NT5C1A: variants seen among roughly 807,000 people sequenced by gnomAD.
NT5C1A encodes the protein 5'-nucleotidase, cytosolic IA, also known as cytosolic 5'-nucleotidase 1A.
NT5C1A carries 18 observed loss-of-function variants against 31.0 expected under a neutral mutation model. The observed-to-expected ratio is 0.58, with a 90% CI of 0.40 to 0.86. The LOEUF (loss-of-function observed/expected upper bound fraction) is 0.86. Among genes scored for constraint, NT5C1A ranks in the 40% least tolerant of loss-of-function variants. The pLI, the probability that NT5C1A is intolerant of heterozygous loss-of-function variation, is 0.00. For missense variants in NT5C1A, 470 were observed against 505.4 expected (o/e 0.93, Z 0.67); for synonymous variants, 185 against 203.6 (o/e 0.91, Z 0.78).
chr1:39,659,169 CTG>C lies in NT5C1A; in HGVS notation c.1057_1058del (p.Gln353AspfsTer43). On this transcript the variant is annotated frameshift_variant, in exon 6 of 6. Coordinates refer to ENST00000235628, the MANE Select transcript of NT5C1A (RefSeq NM_032526.3). LOFTEE classifies it low-confidence loss of function (END_TRUNC). ...TTGCAGGTGCAGTCCGCCGGGGTGT[CTG>C]TGCCACACCATAAGGCACATGGGCG... The part of the protein sequence containing the change: ...VAAHVPYGVA[Q>X]TPRRTAPAKQ... The C allele has an allele frequency of 6.2e-7, 1 of 1,613,062 alleles. No homozygotes were observed. Among genetic ancestry groups the C allele is most frequent in the Non-Finnish European group, 8.5e-7 (1 of 1,179,350 alleles).
At chr1:39,670,406 T>TA (rs1331548210) in intron 1 of NT5C1A, among the ~76,000 whole-genome samples, 5 of 152,334 alleles carry the variant, frequency 3.3e-5, no homozygotes, top group East Asian at 1.9e-4. Context: ...AGCTTTGCTT[T>TA]AAAAAAATCT....
rs202226372 is a variant in NT5C1A, at chr1:39,670,220, A to G, written c.135+1684T>C. Among the ~76,000 whole-genome samples, 12 of 152,370 alleles carry G rather than the reference A, an allele frequency of 7.9e-5. No homozygotes were observed. The East Asian group carries it at 2.3e-3, about 29-fold the overall frequency. ...TGCCAGTGCAGACTTAAGCTTCAGC[A>G]TCCGGCCAAGTTGTTGCTGTGTTTG... On this transcript the variant is annotated intron_variant, in intron 1 of 5. Coordinates refer to ENST00000235628, the MANE Select transcript of NT5C1A (RefSeq NM_032526.3).
Position 39,661,228 on chromosome 1 carries a change from C to T in NT5C1A, c.592G>A (p.Asp198Asn). The change falls in exon 5 of 6, where the codon GAT (aspartate) becomes AAT (asparagine). Residue 198 changes from aspartate (D) to asparagine (N), a missense_variant. By Grantham distance (23) the Asp-to-Asn change is conservative. Coordinates refer to ENST00000235628, the MANE Select transcript of NT5C1A (RefSeq NM_032526.3). ...AGCTGACTCTGGGACACAACCACATCCCTGCTGGGGCTGAAGATGGTGGCA... is the reference window on the plus strand; with the variant it reads ...AGCTGACTCTGGGACACAACCACATTCCTGCTGGGGCTGAAGATGGTGGCA... Reference protein sequence around the residue: ...AAATIFSPSRDVVVSQSQLRV... With the variant: ...AAATIFSPSRNVVVSQSQLRV... 1.3e-6 allele frequency: 2 copies of T among 1,592,634 alleles called. No individual in the cohort carries two copies. The highest frequency in any genetic ancestry group is 1.1e-5 in the South Asian group (1 of 90,328).
In NT5C1A at chr1:39,659,414, C is replaced by T; in HGVS notation, c.814G>A (p.Glu272Lys). The change falls in exon 6 of 6, where the codon GAG becomes AAG. Residue 272 changes from glutamate (E) to lysine (K), a missense_variant. By Grantham distance (56) the Glu-to-Lys change is moderately conservative. Transcript: ENST00000235628. ...ACCAAGTAGGTACGAATTGGGCACT[C>T]CAGCCGCAGGCCTTTGGAGTAGAAC... ...KKFYSKGLRL[E>K]CPIRTYLVTA... 1.2e-6 allele frequency: 2 copies of T among 1,613,084 alleles called. No homozygotes were observed. The highest frequency in any genetic ancestry group is 1.7e-6 in the Non-Finnish European group (2 of 1,179,572).
intron 1 of NT5C1A, among the ~76,000 whole-genome samples, chr1:39,668,588 T>C (rs1646534873): frequency 6.6e-6 from 1 of 152,146 alleles, no homozygotes; most frequent in African/African-American, 2.4e-5. Flanking sequence ...ACATCTCAAG[T>C]CTCCGGCCTC....
rs1325000927 is a variant in NT5C1A, at chr1:39,653,245, G to A, written c.*5876C>T. On this transcript the variant is annotated 3_prime_UTR_variant, in exon 6 of 6. Transcript: ENST00000235628. ...CCAGAGGTTGGGGGCTGGTCTCGGTGGCCCCCAAGCTGCACATACGCAAAT... is the reference window on the plus strand; with the variant it reads ...CCAGAGGTTGGGGGCTGGTCTCGGTAGCCCCCAAGCTGCACATACGCAAAT... Among the ~76,000 whole-genome samples the A allele has an allele frequency of 6.6e-6, 1 of 152,014 alleles. No homozygotes were observed. Among genetic ancestry groups the A allele is most frequent in the East Asian group, 1.9e-4 (1 of 5,188 alleles).
rs1410620414 is a variant in NT5C1A at position 39,655,609 on chromosome 1, A to G, written c.*3512T>C. ...CAAAATGGTTGAAAACCTGGGTCCT[A>G]GAATCAGATGGACATGAGTTTGAGT... On this transcript the variant is annotated 3_prime_UTR_variant, in exon 6 of 6. Coordinates refer to ENST00000235628, the MANE Select transcript of NT5C1A (RefSeq NM_032526.3). 6.6e-6 allele frequency among the ~76,000 whole-genome samples: 1 copy of G among 152,144 alleles called. No homozygotes were observed. Among genetic ancestry groups the G allele is most frequent in the Non-Finnish European group, 1.5e-5 (1 of 68,036 alleles).
rs1646462353 is a variant in NT5C1A, at chr1:39,657,088, A to G, written c.*2033T>C. Among the ~76,000 whole-genome samples the G allele has an allele frequency of 6.6e-6, 1 of 152,190 alleles. No individual in the cohort carries two copies. Among genetic ancestry groups the G allele is most frequent in the African/African-American group, 2.4e-5 (1 of 41,436 alleles). ...CAAAGACATTATCATATGCCCTTCC[A>G]GGGGCAATAATGCCAGTGTCCCCTG... is the stretch of plus-strand genomic sequence containing the variant. On this transcript the variant is annotated 3_prime_UTR_variant, in exon 6 of 6. Coordinates refer to ENST00000235628, the MANE Select transcript of NT5C1A (RefSeq NM_032526.3).
At position 39,659,034 on chromosome 1, in the gene NT5C1A, T is replaced by A; in HGVS notation, c.*87A>T. 7.4e-6 allele frequency: 11 copies of A among 1,478,318 alleles called. No homozygotes were observed. Among genetic ancestry groups the A allele is most frequent in the Non-Finnish European group, 9.9e-6 (11 of 1,108,108 alleles). The allele number at this position is 1,478,318 out of a possible 1,614,324, so 91.6% of individuals were successfully genotyped here. On this transcript the variant is annotated 3_prime_UTR_variant, in exon 6 of 6. Transcript: ENST00000235628. ...GCAGACAGGCAGAAGGACAGAACAG[T>A]GAGAAACTAGAGGGATCTACCAGAG...
At chr1:39,663,499 T>C in intron 3 of NT5C1A, 65 bp from the exon 4 acceptor site, 1 of 1,553,174 alleles carries the variant, frequency 6.4e-7, no homozygotes, top group Non-Finnish European at 8.8e-7. Flanking sequence ...GCAGTCTCTC[T>C]GTGCCCAGTG....
At chr1:39,670,907 T>G (rs1646547583) in intron 1 of NT5C1A, among the ~76,000 whole-genome samples, 1 of 152,104 alleles carries the variant, frequency 6.6e-6, no homozygotes, top group South Asian at 2.1e-4. Flanking sequence ...CTCTGGAGCC[T>G]CCATCATTGT....
chr1:39,666,091 C>T lies in NT5C1A; in HGVS notation c.281G>A (p.Gly94Glu). The T allele has an allele frequency of 6.2e-7, 1 of 1,613,438 alleles. No individual in the cohort carries two copies. The highest frequency in any genetic ancestry group is 8.5e-7 in the Non-Finnish European group (1 of 1,179,876). ...CACCTTCACAAAAGGGAAGGCTGGC[C>T]CGGGACTGAAGGGTTCGTTCTCATG... Reference protein sequence around the residue: ...LEHENEPFSPGPAFPFVKALE... With the variant: ...LEHENEPFSPEPAFPFVKALE... The change falls in exon 2 of 6, where the codon GGG (glycine) becomes GAG (glutamate). Residue 94 changes from glycine to glutamate, a missense_variant. Transcript: ENST00000235628.
At chr1:39,666,010 G>C in intron 2 of NT5C1A, 59 bp downstream of exon 2, 2 of 1,505,038 alleles carry the variant, frequency 1.3e-6, no homozygotes. Flanking sequence ...TCATGGGAGT[G>C]CTTTTTTCTA....
Position 39,659,485 on chromosome 1 carries a change from C to A in NT5C1A, c.743G>T (p.Gly248Val). The change falls in exon 6 of 6, where the codon GGC (glycine) becomes GTC (valine). Residue 248 changes from glycine to valine, a missense_variant and splice_region_variant. Gly to Val is a moderately radical substitution (Grantham distance 109). Coordinates refer to ENST00000235628, the MANE Select transcript of NT5C1A (RefSeq NM_032526.3). ...TGCCTCCAGAAAGCCCTTTAAGGGG[C>A]CCTATGAGAAGGCAAGGGGAACATT... ...KAHENKPLAQ[G>V]PLKGFLEALG... 2 of 1,557,986 alleles carry A rather than the reference C, an allele frequency of 1.3e-6. No individual in the cohort carries two copies. Among genetic ancestry groups the A allele is most frequent in the South Asian group, 2.4e-5 (2 of 82,862 alleles).
rs1181776092 is a variant in NT5C1A at position 39,656,786 on chromosome 1, T to A, written c.*2335A>T. Among the ~76,000 whole-genome samples the A allele has an allele frequency of 2.6e-5, 4 of 152,248 alleles. No individual in the cohort carries two copies. Among genetic ancestry groups the A allele is most frequent in the Non-Finnish European group, 5.9e-5 (4 of 68,036 alleles). ...GGCCTTGTAGGCTTCTTGCAGTCAC[T>A]GGTTCTGTGAGCCTTGGAGGCTCTT... On this transcript the variant is annotated 3_prime_UTR_variant, in exon 6 of 6. Transcript: ENST00000235628.
At chr1:39,670,457 C>T (rs1235521719) in intron 1 of NT5C1A, among the ~76,000 whole-genome samples, 1 of 152,206 alleles carries the variant, frequency 6.6e-6, no homozygotes, top group Non-Finnish European at 1.5e-5. Flanking sequence ...AAAATGTCCA[C>T]CTAATACATT....
intron 5 of NT5C1A, among the ~76,000 whole-genome samples, chr1:39,659,960 T>C (rs1646484756): frequency 6.6e-6 from 1 of 152,150 alleles, no homozygotes; most frequent in South Asian, 2.1e-4. Flanking sequence ...CAGGGTGTCA[T>C]CCTCAAGCAC....
At chr1:39,670,690 A>G (rs973947838) in intron 1 of NT5C1A, among the ~76,000 whole-genome samples, 1 of 152,148 alleles carries the variant, frequency 6.6e-6, no homozygotes, top group African/African-American at 2.4e-5. Flanking sequence ...TTCTTCCAAC[A>G]ATCCTGCATT....
Position 39,663,341 on chromosome 1 carries a change from G to T in NT5C1A, c.527C>A (p.Ala176Glu), listed in dbSNP as rs763507322. The T allele has an allele frequency of 1.4e-5, 22 of 1,613,886 alleles. No individual in the cohort carries two copies. Among genetic ancestry groups the T allele is most frequent in the East Asian group, 8.9e-5 (4 of 44,884 alleles). The change falls in exon 4 of 6, where the codon GCG becomes GAG. Residue 176 changes from alanine to glutamate, a missense_variant. Coordinates refer to ENST00000235628, the MANE Select transcript of NT5C1A (RefSeq NM_032526.3). The part of the protein sequence containing the change: ...YHTNLYLSAD[A>E]EKVREAIDEG... ...ATCAATGGCTTCTCGCACTTTTTCC[G>T]CATCGGCTGACAAGTAGAGGTTGGT...
Sources: gnomAD v4.1 joint callset for allele counts (sites outside exome capture counted in the v4.1 genomes callset) on GRCh38, gnomAD v4.1.1 for gene constraint, MANE v1.5 for transcripts, NCBI Gene and HGNC (gene_info 2026-07-23, HGNC 2026-07-21) for gene names.